Variants in LRRTM3 observed in about 807,000 individuals in gnomAD.
The protein encoded by LRRTM3 is leucine-rich repeat transmembrane neuronal protein 3.
LRRTM3 carries 24 observed loss-of-function variants against 44.7 expected under a neutral mutation model. The observed-to-expected ratio is 0.54, with a 90% CI of 0.39 to 0.76. LRRTM3 has a LOEUF of 0.76. Among genes scored for constraint, LRRTM3 ranks in the 30% least tolerant of loss-of-function variants. The pLI is 0.00. For synonymous variants in LRRTM3, 277 were observed against 278.7 expected (o/e 0.99, Z 0.06); for missense variants, 587 against 702.2 (o/e 0.84, Z 1.85).
Position 66,927,910 on chromosome 10 carries a change from G to A in LRRTM3, c.994G>A (p.Gly332Ser). The A allele has an allele frequency of 6.2e-7, 1 of 1,614,230 alleles. No individual in the cohort carries two copies. The highest frequency in any genetic ancestry group is 2.2e-5 in the East Asian group (1 of 44,886). ...SLVNWLKSFKGLRENTIICAS... is the reference protein window; with the variant it reads ...SLVNWLKSFKSLRENTIICAS... The stretch of plus-strand genomic sequence containing the variant: ...TGTAAACTGGCTGAAAAGTTTTAAA[G>A]GTCTAAGGGAGAATACAATTATCTG... Residue 332 changes from glycine (G) to serine (S), a missense_variant, in exon 2 of 3, where the codon GGT becomes AGT. Transcript: ENST00000361320. This position sits in a 1 kb window ranked among gnomAD's most constrained non-coding sequence, Gnocchi z 4.7.
In LRRTM3 at chr10:66,992,237, T is replaced by G. The variant is rs910635226; in HGVS notation, c.1536+63785T>G. Among the ~76,000 whole-genome samples, 4 of 152,214 alleles carry G rather than the reference T, an allele frequency of 2.6e-5. No homozygotes were observed. In the South Asian group the frequency reaches 8.3e-4, roughly 31 times the overall value. On this transcript the variant is annotated intron_variant, in intron 2 of 2. Transcript: ENST00000361320. ...TGGCTGTGAGATGCAATTTTATTAT[T>G]GATTTAATTTTTATTTCCCTAATCA...
intron 2 of LRRTM3, among the ~76,000 whole-genome samples, chr10:67,028,928 CT>C (rs1400397972): frequency 6.6e-6 from 1 of 152,092 alleles, no homozygotes; most frequent in Non-Finnish European, 1.5e-5. Context: ...CAAAACTCAA[CT>C]TTTTATTGTA....
intron 2 of LRRTM3, among the ~76,000 whole-genome samples, chr10:66,977,205 G>T (rs1399492235): frequency 6.6e-6 from 1 of 152,046 alleles, no homozygotes; most frequent in African/African-American, 2.4e-5. Context: ...TTGGGAGGCC[G>T]AGGCAGGTGG....
chr10:66,952,966 C>A (rs1848613948), intron 2 of LRRTM3, among the ~76,000 whole-genome samples: 1 of 151,978 alleles, frequency 6.6e-6, no homozygotes, highest in Non-Finnish European at 1.5e-5. Context: ...CCACAGAAGA[C>A]CTCCAAGTAG....
chr10:67,078,774 C>A (rs773029049), intron 2 of LRRTM3, among the ~76,000 whole-genome samples: 1 of 152,118 alleles, frequency 6.6e-6, no homozygotes, highest in Non-Finnish European at 1.5e-5. Flanking sequence ...CCTCGGCCCC[C>A]CAACGTGCTG....
intron 2 of LRRTM3, among the ~76,000 whole-genome samples, chr10:67,083,958 C>A (rs1857175964): frequency 6.6e-6 from 1 of 152,062 alleles, no homozygotes; most frequent in Non-Finnish European, 1.5e-5. Flanking sequence ...GGGAGAGGGA[C>A]ACAGTCAATT....
In LRRTM3 at chr10:67,089,753, G is replaced by GT. The variant is rs1564883789; in HGVS notation, c.1537-7834_1537-7833insT. ...TGTGTGTGTGTGTGTGTGTGTGTGT[G>GT]GACAGAAACACATATACTGTATTTG... On this transcript the variant is annotated intron_variant, in intron 2 of 2. Transcript: ENST00000361320. Among the ~76,000 whole-genome samples, 12 of 149,554 alleles carry GT rather than the reference G, an allele frequency of 8.0e-5. No individual in the cohort carries two copies. In the South Asian group the frequency reaches 1.1e-3, roughly 13 times the overall value.
chr10:67,035,583 C>T (rs893051541), intron 2 of LRRTM3, among the ~76,000 whole-genome samples: 1 of 151,898 alleles, frequency 6.6e-6, no homozygotes. Context: ...ATTCCAAAAA[C>T]CCTATCAGAA....
intron 2 of LRRTM3, among the ~76,000 whole-genome samples, chr10:67,058,541 A>T (rs1368015996): frequency 6.6e-6 from 1 of 152,156 alleles, no homozygotes; most frequent in Non-Finnish European, 1.5e-5. Flanking sequence ...GAACTGAGTG[A>T]CTGGCCCATG....
intron 2 of LRRTM3, among the ~76,000 whole-genome samples, chr10:66,967,630 C>T (rs1330069492): frequency 1.3e-5 from 2 of 151,736 alleles, no homozygotes; most frequent in Non-Finnish European, 2.9e-5. Flanking sequence ...AATAATTTTC[C>T]CAGATCAAAT....
chr10:66,933,074 C>T (rs1847498863), intron 2 of LRRTM3, among the ~76,000 whole-genome samples: 1 of 152,182 alleles, frequency 6.6e-6, no homozygotes, highest in Non-Finnish European at 1.5e-5. Flanking sequence ...TTTGTAAACT[C>T]TAAAATGGCA....
chr10:67,067,170 T>C (rs74141784), intron 2 of LRRTM3, among the ~76,000 whole-genome samples: 41 of 152,310 alleles, frequency 2.7e-4, no homozygotes, highest in African/African-American at 9.1e-4. Flanking sequence ...TGTCATATAA[T>C]AAATCTTAGC....
chr10:67,097,570 A>T lies in LRRTM3; in HGVS notation c.1537-17A>T. The T allele has an allele frequency of 6.2e-7, 1 of 1,608,084 alleles. No homozygotes were observed. On this transcript the variant is annotated splice_polypyrimidine_tract_variant and intron_variant, in intron 2 of 2. Transcript: ENST00000361320. ...CATATTTTTATAACTGACTTTTCTCATGTCATTTTTCCCCAGATACCTTTA... is the reference window on the plus strand; with the variant it reads ...CATATTTTTATAACTGACTTTTCTCTTGTCATTTTTCCCCAGATACCTTTA...
At chr10:67,091,331 G>A (rs934039653) in intron 2 of LRRTM3, among the ~76,000 whole-genome samples, 2 of 151,678 alleles carry the variant, frequency 1.3e-5, no homozygotes, top group Non-Finnish European at 2.9e-5. Context: ...AAGACAGTGT[G>A]ATACATACAC....
At chr10:67,067,795 G>A (rs1856183460) in intron 2 of LRRTM3, among the ~76,000 whole-genome samples, 1 of 152,168 alleles carries the variant, frequency 6.6e-6, no homozygotes, top group African/African-American at 2.4e-5. Flanking sequence ...GGCACACTAT[G>A]TGCTGGATAC....
rs777348396 is a variant in LRRTM3 at position 66,928,228 on chromosome 10, A to G, written c.1312A>G (p.Ile438Val). 1.9e-6 allele frequency: 3 copies of G among 1,614,114 alleles called. No individual in the cohort carries two copies. The highest frequency in any genetic ancestry group is 1.7e-5 in the Admixed American group (1 of 60,020). Residue 438 changes from isoleucine (I) to valine (V), a missense_variant, in exon 2 of 3, where the codon ATC (isoleucine) becomes GTC (valine). Coordinates refer to ENST00000361320, the MANE Select transcript of LRRTM3 (RefSeq NM_178011.5). Reference sequence around the variant, plus strand: ...GTCCGTGCTCGTCATCCTGCTGGTTATCTACGTGTCATGGAAGCGGTACCC... The same window carrying G: ...GTCCGTGCTCGTCATCCTGCTGGTTGTCTACGTGTCATGGAAGCGGTACCC... Reference protein sequence around the residue: ...FLSVLVILLVIYVSWKRYPAS... With the variant: ...FLSVLVILLVVYVSWKRYPAS...
chr10:66,995,103 A>T (rs796919074), intron 2 of LRRTM3, among the ~76,000 whole-genome samples: 1 of 152,146 alleles, frequency 6.6e-6, no homozygotes, highest in Non-Finnish European at 1.5e-5. Context: ...CATGTTTCCA[A>T]TTCCTCTGAG....
chr10:66,935,995 C>T (rs560962135), intron 2 of LRRTM3, among the ~76,000 whole-genome samples: 1 of 152,230 alleles, frequency 6.6e-6, no homozygotes, highest in Non-Finnish European at 1.5e-5. Flanking sequence ...CATCCCTCTG[C>T]TAGTTAAAGT....
At chr10:67,075,530 G>C (rs974868187) in intron 2 of LRRTM3, among the ~76,000 whole-genome samples, 1 of 152,134 alleles carries the variant, frequency 6.6e-6, no homozygotes, top group Non-Finnish European at 1.5e-5. Flanking sequence ...CCAACGTCAC[G>C]AGACTACATA....
Sources: allele counts gnomAD v4.1 joint callset (sites outside exome capture counted in the v4.1 genomes callset), GRCh38; gene constraint gnomAD v4.1.1; non-coding constraint Gnocchi (gnomAD v3.1); transcripts MANE v1.5; gene names NCBI Gene and HGNC (gene_info 2026-07-23, HGNC 2026-07-21).